Variants in IRF7 observed in about 807,000 individuals in gnomAD.
IRF7 encodes the protein interferon regulatory factor 7, also known as interferon regulatory factor-7H.
IRF7 carries 67 observed loss-of-function variants against 51.3 expected under a neutral mutation model. The ratio of observed to expected loss-of-function variants is 1.31; its 90% CI spans 1.07 to 1.60. The LOEUF (loss-of-function observed/expected upper bound fraction) is 1.60, where lower values mean the gene tolerates loss of function less well. Ranked by LOEUF, IRF7 falls within the 40% of genes most tolerant of loss-of-function variation. IRF7 has a pLI of 0.00. For synonymous variants in IRF7, 427 were observed against 301.3 expected (o/e 1.42, Z -4.32); for missense variants, 873 against 701.5 (o/e 1.24, Z -2.76).
chr11:614,769 A>G lies in IRF7; in HGVS notation c.394+28T>C, dbSNP rs763230966. On this transcript the variant is annotated intron_variant, in intron 4 of 10. Coordinates refer to ENST00000525445, the MANE Select transcript of IRF7 (RefSeq NM_001572.5). ...CCTTTGCCCAAGCAGGACGAATGCC[A>G]ACGCCCTTGGCAGCCGGCGTCGCTC... The G allele has an allele frequency of 9.9e-6, 15 of 1,522,826 alleles. No individual in the cohort carries two copies. The South Asian group carries it at 1.7e-4, about 17-fold the overall frequency. The allele number at this position is 1,522,826 out of a possible 1,614,324, so 94.3% of individuals were successfully genotyped here. A position where few individuals can be genotyped will look rare whatever the true frequency, so the allele number is the denominator to read the frequency against.
chr11:615,475 T>TCACAGGTGTC lies in IRF7; in HGVS notation c.-121_-112dup. The stretch of plus-strand genomic sequence containing the variant: ...CGGCCACAGGTCGTGTGGCCAGGTG[T>TCACAGGTGTC]CACAGGTGTCCACAGGTGTGGACTG... On this transcript the variant is annotated 5_prime_UTR_variant, in exon 2 of 11. Transcript: ENST00000525445. 7.9e-7 allele frequency: 1 copy of TCACAGGTGTC among 1,263,876 alleles called. No individual in the cohort carries two copies. Among genetic ancestry groups the TCACAGGTGTC allele is most frequent in the Non-Finnish European group, 1.1e-6 (1 of 948,080 alleles). 78.3% of individuals were successfully genotyped at this position (1,263,876 alleles called of 1,614,324 possible). A position where few individuals can be genotyped will look rare whatever the true frequency, so the allele number is the denominator to read the frequency against.
chr11:614,064 G>C, intron 6 of IRF7, 27 bp from the exon 7 acceptor site: 3 of 1,593,704 alleles, frequency 1.9e-6, no homozygotes, highest in Non-Finnish European at 1.7e-6. Context: ...AGTGGGAACG[G>C]TGGTCCCCTC....
In IRF7 at chr11:612,789, C is replaced by T. The variant is rs758818635; in HGVS notation, c.1368G>A (p.Trp456Ter). The change falls in exon 11 of 11, where the codon TGG (tryptophan) becomes TGA (stop). Residue 456 changes from tryptophan (W) to a stop codon, truncating the protein, a stop_gained. Coordinates refer to ENST00000525445, the MANE Select transcript of IRF7 (RefSeq NM_001572.5). LOFTEE classifies it high-confidence loss of function. ...KSLVLVKLEP[W>*]LCRVHLEGTQ... ...TGCCCTCTAGGTGCACTCGGCACAGCCAGGGTTCCAGCTGCCAGGAGGGAT... is the reference window on the plus strand; with the variant it reads ...TGCCCTCTAGGTGCACTCGGCACAGTCAGGGTTCCAGCTGCCAGGAGGGAT... 86 of 1,610,006 alleles carry T rather than the reference C, an allele frequency of 5.3e-5. No homozygotes were observed. Among genetic ancestry groups the T allele is most frequent in the Non-Finnish European group, 7.1e-5 (84 of 1,179,854 alleles).
At position 613,956 on chromosome 11, in the gene IRF7, G is replaced by C; in HGVS notation, c.761C>G (p.Thr254Arg). 1 of 1,606,420 alleles carries C rather than the reference G, an allele frequency of 6.2e-7. No homozygotes were observed. Among genetic ancestry groups the C allele is most frequent in the South Asian group, 1.1e-5 (1 of 90,356 alleles). ...CCAACCCCTACCCCTCTCACCTGTC[G>C]TTAGTGCCGCGGGCTGGGGCCCGGG... ...PSPGPQPAALTTGEAAAPESP... is the reference protein window; with the variant it reads ...PSPGPQPAALRTGEAAAPESP... Residue 254 changes from threonine to arginine, a missense_variant, in exon 7 of 11, where the codon ACG (threonine) becomes AGG (arginine). Transcript: ENST00000525445.
chr11:613,917 G>A, intron 7 of IRF7, 34 bp downstream of exon 7: 1 of 1,600,742 alleles, frequency 6.2e-7, no homozygotes, highest in Non-Finnish European at 8.5e-7. Flanking sequence ...GCCTCTCCCT[G>A]TGCCCCAGGC....
At position 613,469 on chromosome 11, in the gene IRF7, T is replaced by C; in HGVS notation, c.974A>G (p.Asp325Gly). The C allele has an allele frequency of 6.5e-7, 1 of 1,545,152 alleles. No individual in the cohort carries two copies. The highest frequency in any genetic ancestry group is 8.7e-7 in the Non-Finnish European group (1 of 1,147,076). ...GCTGGGGAATGCTACCTGCTGGGGGTCTGTGGCCCGGACAGCTGGGTCTGG... is the reference window on the plus strand; with the variant it reads ...GCTGGGGAATGCTACCTGCTGGGGGCCTGTGGCCCGGACAGCTGGGTCTGG... ...GPPDPAVRAT[D>G]PQQVAFPSPA... is the part of the protein sequence containing the mutation. The change falls in exon 9 of 11, where the codon GAC (aspartate) becomes GGC (glycine). Residue 325 changes from aspartate to glycine, a missense_variant. Asp to Gly is a moderately conservative substitution (Grantham distance 94). Transcript: ENST00000525445.
At position 614,217 on chromosome 11, in the gene IRF7, T is replaced by C; in HGVS notation, c.636A>G (p.Gly212=). The part of the protein sequence containing the change: ...GADPVPTKAP[G]EGQEGLPLTG... ...TCAGGGGAAGCCCTTCTTGTCCCTC[T>C]CCAGGAGCCTTGGTTGGGACTGGAT... is the stretch of plus-strand genomic sequence containing the variant. The change falls in exon 6 of 11, where the codon GGA becomes GGG. Residue 212 remains glycine, a synonymous_variant. Transcript: ENST00000525445. 6.2e-7 allele frequency: 1 copy of C among 1,612,934 alleles called. No individual in the cohort carries two copies. Among genetic ancestry groups the C allele is most frequent in the Non-Finnish European group, 8.5e-7 (1 of 1,179,916 alleles).
At position 613,846 on chromosome 11, in the gene IRF7, C is replaced by T. The variant is rs773806371; in HGVS notation, c.786G>A (p.Glu262=). The change falls in exon 8 of 11, where the codon GAG becomes GAA. Residue 262 remains glutamate, a synonymous_variant. Transcript: ENST00000525445. ...GGTACGGCTCTGCCTGGTGCGGGGA[C>T]TCTGGGGCCGCGGCCTCGCCTGCAT... The part of the protein sequence containing the change: ...ALTTGEAAAP[E]SPHQAEPYLS... The T allele has an allele frequency of 6.3e-7, 1 of 1,599,578 alleles. No homozygotes were observed. The highest frequency in any genetic ancestry group is 8.5e-7 in the Non-Finnish European group (1 of 1,174,700).
chr11:613,758 GGC>G, intron 8 of IRF7, 25 bp downstream of exon 8: 1 of 1,508,610 alleles, frequency 6.6e-7, no homozygotes, highest in Non-Finnish European at 8.8e-7. Flanking sequence ...GGCGGGGACA[GGC>G]TGCCCCTTCC....
At chr11:612,967 A>C in intron 10 of IRF7, 32 bp downstream of exon 10, 1 of 1,605,996 alleles carries the variant, frequency 6.2e-7, no homozygotes, top group South Asian at 1.1e-5. Context: ...GCCTGAGCAC[A>C]TGGCCTCCCC....
rs1564881268 is a variant in IRF7 at position 613,612 on chromosome 11, C to T, written c.848-17G>A. On this transcript the variant is annotated splice_polypyrimidine_tract_variant and intron_variant, in intron 8 of 10. Transcript: ENST00000525445. ...GGCTGGGCTCTGTGTGGAGACCAAG[C>T]TGTGAGTGACGGGGGTGGGCGGGGA... The T allele has an allele frequency of 7.2e-7, 1 of 1,381,420 alleles. No individual in the cohort carries two copies. The allele number at this position is 1,381,420 out of a possible 1,614,324, so 85.6% of individuals were successfully genotyped here.
At chr11:613,665 G>A (rs1392044381) in intron 8 of IRF7, 70 bp from the exon 9 acceptor site, 1 of 578,900 alleles carries the variant, frequency 1.7e-6, no homozygotes, top group East Asian at 5.5e-5. Flanking sequence ...GGGTGGGCGG[G>A]GACAGGATGT....
chr11:612,782 G>C lies in IRF7; in HGVS notation c.1375C>G (p.Arg459Gly). 6.2e-7 allele frequency: 1 copy of C among 1,610,736 alleles called. No homozygotes were observed. Among genetic ancestry groups the C allele is most frequent in the Non-Finnish European group, 8.5e-7 (1 of 1,179,932 alleles). ...CGCTGCGTGCCCTCTAGGTGCACTC[G>C]GCACAGCCAGGGTTCCAGCTGCCAG... Reference protein sequence around the residue: ...VLVKLEPWLCRVHLEGTQREG... With the variant: ...VLVKLEPWLCGVHLEGTQREG... Residue 459 changes from arginine to glycine, a missense_variant, in exon 11 of 11, where the codon CGA (arginine) becomes GGA (glycine). By Grantham distance (125) the Arg-to-Gly change is moderately radical (BLOSUM62 -2). Coordinates refer to ENST00000525445, the MANE Select transcript of IRF7 (RefSeq NM_001572.5).
intron 7 of IRF7, 21 bp downstream of exon 7, chr11:613,930 C>A (rs1411399463): frequency 6.2e-7 from 1 of 1,603,504 alleles, no homozygotes; most frequent in East Asian, 2.2e-5. Context: ...CCCCAGGCCT[C>A]CCAACCCCTA....
Position 615,521 on chromosome 11 carries a change from C to A in IRF7, c.-157G>T. The A allele has an allele frequency of 1.2e-6, 1 of 802,332 alleles. No individual in the cohort carries two copies. Among genetic ancestry groups the A allele is most frequent in the Non-Finnish European group, 1.9e-6 (1 of 533,968 alleles). 49.7% of individuals were successfully genotyped at this position (802,332 alleles called of 1,614,324 possible). A position where few individuals can be genotyped will look rare whatever the true frequency, so the allele number is the denominator to read the frequency against. ...GACTGAGGGCTTGTAGCCACCGACG[C>A]TGCCTCGGTATGGATCTCTTGGCAG... is the stretch of plus-strand genomic sequence containing the variant. On this transcript the variant is annotated 5_prime_UTR_variant, in exon 2 of 11. Coordinates refer to ENST00000525445, the MANE Select transcript of IRF7 (RefSeq NM_001572.5).
intron 8 of IRF7, 40 bp downstream of exon 8, chr11:613,745 G>A (rs778997273): frequency 1.5e-6 from 2 of 1,350,396 alleles, no homozygotes; most frequent in African/African-American, 1.5e-5. Flanking sequence ...AGTGACGGGG[G>A]TGGGCGGGGA....
In IRF7 at chr11:613,074, G is replaced by A. The variant is rs1378495164; in HGVS notation, c.1281C>T (p.Arg427=). 3.7e-6 allele frequency: 6 copies of A among 1,613,094 alleles called. No homozygotes were observed. The highest frequency in any genetic ancestry group is 5.1e-6 in the Non-Finnish European group (6 of 1,180,004). The change falls in exon 10 of 11, where the codon CGC becomes CGT. Residue 427 remains arginine (R), a synonymous_variant. Transcript: ENST00000525445. ...FRARQRRGSP[R]YTIYLGFGQD... is the part of the protein sequence containing the mutation. The stretch of plus-strand genomic sequence containing the variant: ...GCCCGAAGCCCAGGTAGATGGTATA[G>A]CGTGGGGAGCCACGGCGCTGCCGTG...
Position 615,270 on chromosome 11 carries a change from C to A in IRF7, c.21-11G>T. 1 of 1,580,168 alleles carries A rather than the reference C, an allele frequency of 6.3e-7. No individual in the cohort carries two copies. Among genetic ancestry groups the A allele is most frequent in the Non-Finnish European group, 8.6e-7 (1 of 1,167,472 alleles). ...ACGCGTGGGGCTGCCCTGCGGGTGCCCGGCCGCGGAGAGTCAGGGCCGGCT... is the reference window on the plus strand; with the variant it reads ...ACGCGTGGGGCTGCCCTGCGGGTGCACGGCCGCGGAGAGTCAGGGCCGGCT... On this transcript the variant is annotated splice_polypyrimidine_tract_variant and intron_variant, in intron 2 of 10. Transcript: ENST00000525445.
rs1061501 is a variant in IRF7 at position 614,864 on chromosome 11, C to T, written c.327G>A (p.Arg109=). 0.86 allele frequency: 1,346,957 copies of T among 1,573,410 alleles called. 577,479 individuals are homozygous for T. Among genetic ancestry groups the T allele is most frequent in the Middle Eastern group, 0.88 (5,285 of 6,022 alleles). ...GGTCGGCCGGGTCCCCCGAGTTATC[C>T]CGCAGCATCACGAAGCGACGCGTGC... is the stretch of plus-strand genomic sequence containing the variant. ...LRSTRRFVML[R]DNSGDPADPH... The change falls in exon 4 of 11, where the codon CGG becomes CGA. Residue 109 remains arginine, a synonymous_variant. Transcript: ENST00000525445.
Sources: gnomAD v4.1 joint callset for allele counts on GRCh38, gnomAD v4.1.1 for gene constraint, MANE v1.5 for transcripts, NCBI Gene and HGNC (gene_info 2026-07-23, HGNC 2026-07-21) for gene names.